Variants in CNTN4 observed in about 807,000 individuals in gnomAD.
The protein encoded by CNTN4 is contactin-4.
In CNTN4, 77 loss-of-function variants were observed where a neutral mutation model predicts 122.5. That is an observed-to-expected ratio of 0.63 (90% CI 0.52 to 0.76). The LOEUF is 0.76. Among genes scored for constraint, CNTN4 ranks in the 30% least tolerant of loss-of-function variants. CNTN4 has a pLI of 0.00. For synonymous variants in CNTN4, 512 were observed against 447.0 expected, an observed-to-expected ratio of 1.15 and a Z score of -1.83; for missense variants, 1,256 against 1,259.1, an observed-to-expected ratio of 1.00 and a Z score of 0.04.
intron 2 of CNTN4, among the ~76,000 whole-genome samples, chr3:2,102,559 C>T (rs1159089886): frequency 2.6e-5 from 4 of 152,142 alleles, no homozygotes; most frequent in Admixed American, 2.0e-4. Context: ...CATGGCAGTA[C>T]TCCTTCAAAG....
intron 2 of CNTN4, among the ~76,000 whole-genome samples, chr3:2,219,518 C>T (rs1474844846): frequency 6.6e-6 from 1 of 151,940 alleles, no homozygotes; most frequent in African/African-American, 2.4e-5. Flanking sequence ...ATGTTGAGGC[C>T]CCCTCAGTTA....
chr3:2,178,503 A>C (rs1264488411), intron 2 of CNTN4, among the ~76,000 whole-genome samples: 1 of 152,136 alleles, frequency 6.6e-6, no homozygotes, highest in East Asian at 1.9e-4. Flanking sequence ...ATTAATGTTT[A>C]GGATGGTGTT....
intron 3 of CNTN4, among the ~76,000 whole-genome samples, chr3:2,384,329 T>G (rs972907524): frequency 1.3e-5 from 2 of 152,130 alleles, no homozygotes; most frequent in African/African-American, 4.8e-5. Context: ...TTAAGTTGCT[T>G]TAGTCTAGCC....
At chr3:2,372,028 A>T (rs1264155248) in intron 3 of CNTN4, among the ~76,000 whole-genome samples, 2 of 152,218 alleles carry the variant, frequency 1.3e-5, no homozygotes, top group Non-Finnish European at 2.9e-5. Context: ...ATCTCATTTA[A>T]ATAAACAATC....
chr3:2,110,169 A>G (rs2032830274), intron 2 of CNTN4, among the ~76,000 whole-genome samples: 1 of 152,222 alleles, frequency 6.6e-6, no homozygotes, highest in Admixed American at 6.5e-5. Flanking sequence ...TTGGAATCAG[A>G]CAGACCTGGT....
chr3:2,392,102 C>T (rs943826753), intron 3 of CNTN4, among the ~76,000 whole-genome samples: 2 of 152,176 alleles, frequency 1.3e-5, no homozygotes, highest in African/African-American at 4.8e-5. Context: ...TGCTACATGA[C>T]CCCAGATCAG....
chr3:2,309,335 T>A (rs942434159), intron 2 of CNTN4, among the ~76,000 whole-genome samples: 2 of 152,182 alleles, frequency 1.3e-5, no homozygotes, highest in Non-Finnish European at 2.9e-5. Flanking sequence ...TTCAGCCTGT[T>A]TTTGTCTTTG....
At chr3:2,304,405 C>T (rs923773164) in intron 2 of CNTN4, among the ~76,000 whole-genome samples, 2 of 152,072 alleles carry the variant, frequency 1.3e-5, no homozygotes, top group Admixed American at 6.6e-5. Context: ...TATTAATCTA[C>T]ACCATTTACA....
At chr3:2,714,991 A>G (rs2149359677) in intron 4 of CNTN4, among the ~76,000 whole-genome samples, 1 of 152,294 alleles carries the variant, frequency 6.6e-6, no homozygotes, top group South Asian at 2.1e-4. Context: ...AGTGCTTTTA[A>G]GATCTTTATC....
chr3:2,501,508 C>A (rs2076593405), intron 3 of CNTN4, among the ~76,000 whole-genome samples: 1 of 152,150 alleles, frequency 6.6e-6, no homozygotes, highest in Admixed American at 6.6e-5. Flanking sequence ...AAATTGTTTT[C>A]TTACCTTTAT....
At chr3:2,889,871 G>T (rs1438901015) in intron 10 of CNTN4, among the ~76,000 whole-genome samples, 2 of 152,160 alleles carry the variant, frequency 1.3e-5, no homozygotes, top group Non-Finnish European at 2.9e-5. Flanking sequence ...AGTACTCCAG[G>T]ATTACTGTTA....
chr3:2,294,973 C>T (rs2042256662), intron 2 of CNTN4, among the ~76,000 whole-genome samples: 1 of 152,012 alleles, frequency 6.6e-6, no homozygotes, highest in Non-Finnish European at 1.5e-5. Flanking sequence ...TGATGGTTTC[C>T]AATTTCATCC....
At chr3:2,142,942 T>C (rs769417816) in intron 2 of CNTN4, among the ~76,000 whole-genome samples, 3 of 152,254 alleles carry the variant, frequency 2.0e-5, no homozygotes, top group Non-Finnish European at 4.4e-5. Context: ...ACTTTACTTC[T>C]ACTCTCCTCT....
At chr3:2,698,569 T>A (rs925723629) in intron 4 of CNTN4, among the ~76,000 whole-genome samples, 2 of 152,204 alleles carry the variant, frequency 1.3e-5, no homozygotes, top group Non-Finnish European at 2.9e-5. Flanking sequence ...CTAGTGTTCT[T>A]TGCCAGTCAG....
intron 2 of CNTN4, among the ~76,000 whole-genome samples, chr3:2,317,517 A>C (rs1359528510): frequency 2.0e-5 from 3 of 152,108 alleles, no homozygotes; most frequent in African/African-American, 4.8e-5. Flanking sequence ...CTCACACACA[A>C]ATCCTGAAGA....
At chr3:2,160,935 G>C (rs2035939898) in intron 2 of CNTN4, among the ~76,000 whole-genome samples, 1 of 151,796 alleles carries the variant, frequency 6.6e-6, no homozygotes, top group Non-Finnish European at 1.5e-5. Flanking sequence ...CTTGCCTGGG[G>C]CTTATGTTTG....
chr3:2,749,411 G>A (rs2149590145), intron 6 of CNTN4, among the ~76,000 whole-genome samples: 1 of 149,892 alleles, frequency 6.7e-6, no homozygotes, highest in South Asian at 2.1e-4. Flanking sequence ...GATCTCAAGT[G>A]ATCCACCCGC....
At chr3:2,645,847 T>A (rs1045067512) in intron 4 of CNTN4, among the ~76,000 whole-genome samples, 10 of 152,232 alleles carry the variant, frequency 6.6e-5, no homozygotes, top group Non-Finnish European at 1.3e-4. Flanking sequence ...TTTCACCCTC[T>A]GACCTTTCAT....
intron 2 of CNTN4, among the ~76,000 whole-genome samples, chr3:2,225,243 AT>A (rs2149513323): frequency 7.2e-6 from 1 of 139,002 alleles, no homozygotes; most frequent in African/African-American, 2.7e-5. Context: ...TGCCAGGCGC[AT>A]TGGCTCACAC....
Sources: allele counts gnomAD v4.1 joint callset (sites outside exome capture counted in the v4.1 genomes callset), GRCh38; gene constraint gnomAD v4.1.1; transcripts MANE v1.5; gene names NCBI Gene and HGNC (gene_info 2026-07-23, HGNC 2026-07-21).